The following TMEM120B variants were observed in gnomAD, a reference collection of about 807,000 sequenced individuals.
TMEM120B encodes the protein transmembrane protein 120B.
A neutral mutation model predicts 55.5 loss-of-function variants in TMEM120B; 31 were observed. The ratio of observed to expected loss-of-function variants is 0.56; its 90% CI spans 0.42 to 0.75. The LOEUF is 0.75. Among genes scored for constraint, TMEM120B ranks in the 30% least tolerant of loss-of-function variants. TMEM120B has a pLI of 0.00. For synonymous variants in TMEM120B, 203 were observed against 176.3 expected, an observed-to-expected ratio of 1.15 and a Z score of -1.20; for missense variants, 399 against 425.5, an observed-to-expected ratio of 0.94 and a Z score of 0.55.
intron 5 of TMEM120B, chr12:121,758,896 G>A (rs1319098082): frequency 1.0e-6 from 1 of 983,458 alleles, no homozygotes; most frequent in Admixed American, 6.2e-5. Context: ...CCATGGAGGA[G>A]GACGGCCTAG....
Position 121,775,564 on chromosome 12 carries a change from C to T in TMEM120B, c.907-45C>T, listed in dbSNP as rs1436246507. 5 of 1,584,358 alleles carry T rather than the reference C, an allele frequency of 3.2e-6. No homozygotes were observed. The highest frequency in any genetic ancestry group is 4.5e-5 in the East Asian group (2 of 44,554). ...TGGGGTGCTGGGGGCAGGGGTTCAG[C>T]AGGGCAGATGCCCCAGCCTCGCCCT... On this transcript the variant is annotated intron_variant, in intron 11 of 11. Coordinates refer to ENST00000449592, the MANE Select transcript of TMEM120B (RefSeq NM_001080825.2). The surrounding 1 kb of genome is among the most constrained non-coding windows in gnomAD (Gnocchi z 4.3).
At chr12:121,757,142 G>GC (rs1214434387) in intron 5 of TMEM120B, among the ~76,000 whole-genome samples, 1 of 25,406 alleles carries the variant, frequency 3.9e-5, no homozygotes, top group East Asian at 1.0e-3. Flanking sequence ...CTGGGCGGTG[G>GC]GGGGGGGGGG....
Position 121,782,045 on chromosome 12 carries a change from G to A in TMEM120B, c.*6323G>A, listed in dbSNP as rs1420788441. ...TTGTATTGACAGTTTCAAACTTACA[G>A]TAAAATTGCAACACGAGTATGAAGA... On this transcript the variant is annotated 3_prime_UTR_variant, in exon 12 of 12. Transcript: ENST00000449592. The A allele has an allele frequency of 6.6e-6, 1 of 152,132 alleles. No homozygotes were observed. The highest frequency in any genetic ancestry group is 6.6e-5 in the Admixed American group (1 of 15,264). 9.4% of individuals were successfully genotyped at this position (152,132 alleles called of 1,614,324 possible).
intron 1 of TMEM120B, among the ~76,000 whole-genome samples, chr12:121,732,445 G>C (rs551413994): frequency 6.6e-6 from 1 of 152,150 alleles, no homozygotes; most frequent in Non-Finnish European, 1.5e-5. Context: ...ATGACAGAGC[G>C]AGAGAATTGC....
chr12:121,764,243 C>T (rs1370589945), intron 6 of TMEM120B, among the ~76,000 whole-genome samples: 1 of 151,416 alleles, frequency 6.6e-6, no homozygotes, highest in Non-Finnish European at 1.5e-5. Flanking sequence ...AGGCATGGGC[C>T]AGGTGCGGTG....
At chr12:121,715,544 G>A (rs1894684120) in intron 1 of TMEM120B, among the ~76,000 whole-genome samples, 1 of 152,148 alleles carries the variant, frequency 6.6e-6, no homozygotes. Context: ...CACAGCAAGG[G>A]TTGTAGAAGA....
chr12:121,769,018 C>T (rs763563590), intron 6 of TMEM120B, among the ~76,000 whole-genome samples: 32 of 152,072 alleles, frequency 2.1e-4, no homozygotes, highest in East Asian at 1.9e-4. Flanking sequence ...TGGTGGCAGG[C>T]GCCTGTAGTC....
intron 6 of TMEM120B, among the ~76,000 whole-genome samples, chr12:121,764,536 A>G (rs1008886669): frequency 6.6e-6 from 1 of 151,118 alleles, no homozygotes; most frequent in Non-Finnish European, 1.5e-5. Flanking sequence ...AAAATTAGCC[A>G]GGCATGGTGG....
intron 4 of TMEM120B, among the ~76,000 whole-genome samples, chr12:121,751,111 A>AC (rs1873303347): frequency 1.2e-5 from 1 of 81,422 alleles, no homozygotes; most frequent in Non-Finnish European, 2.4e-5. Flanking sequence ...CCCACACCCC[A>AC]AACCCAAACC....
chr12:121,758,284 G>T lies in TMEM120B; in HGVS notation c.462-3365G>T, dbSNP rs1027198715. The T allele has an allele frequency of 3.0e-6, 3 of 985,374 alleles. No homozygotes were observed. In the African/African-American group the frequency reaches 5.2e-5, roughly 17 times the overall value. The allele number at this position is 985,374 out of a possible 1,614,324, so 61.0% of individuals were successfully genotyped here. ...ACAGATTGCAGGGCTGAGGCCAGTG[G>T]GGCTCTGATAATCCCCACACAGCGG... is the stretch of plus-strand genomic sequence containing the variant. On this transcript the variant is annotated intron_variant, in intron 5 of 11. Transcript: ENST00000449592.
intron 1 of TMEM120B, among the ~76,000 whole-genome samples, chr12:121,724,030 C>CTTTTTTTTTTTT (rs56972824): frequency 1.3e-5 from 1 of 75,960 alleles, no homozygotes; most frequent in Non-Finnish European, 2.4e-5. Flanking sequence ...TCAAGTGATC[C>CTTTTTTTTTTTT]TTTTTTTTTT....
chr12:121,716,464 C>T (rs777806256), intron 1 of TMEM120B, among the ~76,000 whole-genome samples: 6 of 151,664 alleles, frequency 4.0e-5, no homozygotes, highest in African/African-American at 7.3e-5. Flanking sequence ...CCTTAGAATC[C>T]GGGTTGAGGG....
At chr12:121,772,494 G>A (rs1372520831) in intron 8 of TMEM120B, among the ~76,000 whole-genome samples, 2 of 149,308 alleles carry the variant, frequency 1.3e-5, no homozygotes, top group Non-Finnish European at 3.0e-5. Flanking sequence ...GGAGTGCGGT[G>A]TTGTGATCTC....
At chr12:121,757,520 A>ATTT (rs560745429) in intron 5 of TMEM120B, among the ~76,000 whole-genome samples, 2 of 98,466 alleles carry the variant, frequency 2.0e-5, no homozygotes, top group East Asian at 2.7e-4. Context: ...TATTATTATT[A>ATTT]TTTATTTTTT....
At chr12:121,761,620 C>T (rs755398293) in intron 5 of TMEM120B, 29 bp from the exon 6 acceptor site, 2 of 1,587,394 alleles carry the variant, frequency 1.3e-6, no homozygotes, top group African/African-American at 1.3e-5. Flanking sequence ...CACGCCCGCA[C>T]CCCTCCCGGG....
At chr12:121,718,530 A>G (rs1263241788) in intron 1 of TMEM120B, among the ~76,000 whole-genome samples, 2 of 152,088 alleles carry the variant, frequency 1.3e-5, no homozygotes, top group Non-Finnish European at 2.9e-5. Context: ...GAGTGAATGA[A>G]TGAATGACAA....
intron 1 of TMEM120B, among the ~76,000 whole-genome samples, chr12:121,722,130 G>C (rs1166923354): frequency 1.5e-5 from 2 of 135,898 alleles, no homozygotes; most frequent in Non-Finnish European, 3.1e-5. Context: ...ATAGAGTCTC[G>C]CTCTGTTGCC....
At position 121,778,077 on chromosome 12, in the gene TMEM120B, G is replaced by A. The variant is rs917616626; in HGVS notation, c.*2355G>A. ...GCCTGAAGCCATTATCCCATCTTAG[G>A]CGACACCGACTCCTAGGCGCCCTCC... On this transcript the variant is annotated 3_prime_UTR_variant, in exon 12 of 12. Transcript: ENST00000449592. The A allele has an allele frequency of 1.3e-4, 20 of 152,096 alleles. No individual in the cohort carries two copies. Among genetic ancestry groups the A allele is most frequent in the African/African-American group, 2.9e-4 (12 of 41,404 alleles). The allele number at this position is 152,096 out of a possible 1,614,324, so 9.4% of individuals were successfully genotyped here.
chr12:121,729,127 G>T (rs1170194668), intron 1 of TMEM120B, among the ~76,000 whole-genome samples: 1 of 152,220 alleles, frequency 6.6e-6, no homozygotes, highest in African/African-American at 2.4e-5. Context: ...AAAAAACTAT[G>T]GGGATGTTAA....
Sources: allele counts gnomAD v4.1 joint callset (sites outside exome capture counted in the v4.1 genomes callset), GRCh38; gene constraint gnomAD v4.1.1; non-coding constraint Gnocchi (gnomAD v3.1); transcripts MANE v1.5; gene names NCBI Gene and HGNC (gene_info 2026-07-23, HGNC 2026-07-21).